Variants in TRIM17 observed in about 807,000 individuals in gnomAD.
TRIM17 encodes tripartite motif containing 17.
In TRIM17, 27 loss-of-function variants were observed where a neutral mutation model predicts 35.8. The observed-to-expected ratio is 0.75, with a 90% CI of 0.56 to 1.04. The LOEUF (loss-of-function observed/expected upper bound fraction) is 1.04, where lower values mean the gene tolerates loss of function less well. Ranked by LOEUF, TRIM17 falls within the 50% of genes least tolerant of loss-of-function variation. The probability of loss-of-function intolerance (pLI) is 0.00; values close to 1 mark genes in which losing one functional copy is unlikely to be tolerated. For synonymous variants in TRIM17, 246 were observed against 252.6 expected, an observed-to-expected ratio of 0.97 and a Z score of 0.25; for missense variants, 582 against 612.8, an observed-to-expected ratio of 0.95 and a Z score of 0.53.
Position 228,410,173 on chromosome 1 carries a change from A to G in TRIM17, c.757-762T>C, listed in dbSNP as rs571955040. 2.0e-5 allele frequency among the ~76,000 whole-genome samples: 3 copies of G among 150,610 alleles called. No individual in the cohort carries two copies. In the East Asian group the frequency reaches 5.9e-4, roughly 30 times the overall value. On this transcript the variant is annotated intron_variant, in intron 4 of 6. Transcript: ENST00000366698. This position sits in a 1 kb window ranked among gnomAD's most constrained non-coding sequence, Gnocchi z 4.6. ...GAGTGCAGTGGCGCAATAGCTCACT[A>G]CAGCCTTGAACTCACGGGCTCAAGC...
rs373119420 is a variant in TRIM17, at chr1:228,409,210, C to G, written c.845G>C (p.Arg282Thr). Residue 282 changes from arginine to threonine, a missense_variant, in exon 6 of 7, where the codon AGA becomes ACA. Coordinates refer to ENST00000366698, the MANE Select transcript of TRIM17 (RefSeq NM_016102.4). ...APPTRPRTVC[R>T]VPGQIEVLRG... Reference sequence around the variant, plus strand: ...TAGCACTTCAATCTGTCCGGGAACTCTGCACACAGTCCTGGGTCTGGTTGG... The same window carrying G: ...TAGCACTTCAATCTGTCCGGGAACTGTGCACACAGTCCTGGGTCTGGTTGG... 198 of 1,613,968 alleles carry G rather than the reference C, an allele frequency of 1.2e-4. 1 individual carries two copies. The highest frequency in any genetic ancestry group is 1.6e-4 in the Non-Finnish European group (193 of 1,180,002).
chr1:228,409,322 A>T (rs1328275447), intron 5 of TRIM17, 47 bp from the exon 6 acceptor site: 1 of 1,609,304 alleles, frequency 6.2e-7, no homozygotes, highest in East Asian at 2.2e-5. Context: ...CCCTGGCCCG[A>T]CAGTCTTATT....
Position 228,408,738 on chromosome 1 carries a change from A to G in TRIM17, c.897T>C (p.Pro299=), listed in dbSNP as rs1420272237. ...GGTAGGGGTACGCGGAGGTGGCATC[A>G]GGCACCACATCCTCTGTAGATGGGC... ...VLRGFLEDVV[P]DATSAYPYLL... is the part of the protein sequence containing the mutation. The change falls in exon 7 of 7, where the codon CCT becomes CCC. Residue 299 remains proline, a synonymous_variant. Transcript: ENST00000366698. The surrounding 1 kb of genome is among the most constrained non-coding windows in gnomAD (Gnocchi z 6.3). 5 of 1,601,094 alleles carry G rather than the reference A, an allele frequency of 3.1e-6. No homozygotes were observed. Among genetic ancestry groups the G allele is most frequent in the Non-Finnish European group, 4.2e-6 (5 of 1,179,666 alleles).
intron 4 of TRIM17, chr1:228,409,642 G>C: frequency 2.1e-6 from 1 of 477,100 alleles, no homozygotes; most frequent in East Asian, 3.3e-5. Context: ...TCAGCCCACG[G>C]CCACACGCCT....
Position 228,408,810 on chromosome 1 carries a change from G to A in TRIM17, c.884-59C>T. On this transcript the variant is annotated intron_variant, in intron 6 of 6. Coordinates refer to ENST00000366698, the MANE Select transcript of TRIM17 (RefSeq NM_016102.4). This position sits in a 1 kb window ranked among gnomAD's most constrained non-coding sequence, Gnocchi z 6.3. ...GAGGTGTGGGGCATTCAGGGTCAAA[G>A]GTGGGAGTCCCCGGGCCCTAGTGGT... 2 of 1,557,528 alleles carry A rather than the reference G, an allele frequency of 1.3e-6. No individual in the cohort carries two copies. Among genetic ancestry groups the A allele is most frequent in the East Asian group, 2.3e-5 (1 of 44,404 alleles).
intron 2 of TRIM17, 72 bp downstream of exon 2, chr1:228,414,572 A>C: frequency 7.4e-7 from 1 of 1,356,252 alleles, no homozygotes; most frequent in Non-Finnish European, 1.0e-6. Context: ...TCCCTCCCCC[A>C]TGATCTGGGT....
In TRIM17 at chr1:228,414,553, G is replaced by A; in HGVS notation, c.429+91C>T. ...CCTGACTCGGGCCACTTTGTCCCTG[G>A]ACACCTCCTCCCTCCCCCATGATCT... On this transcript the variant is annotated intron_variant, in intron 2 of 6. Transcript: ENST00000366698. 1.6e-5 allele frequency: 19 copies of A among 1,186,080 alleles called. 1 individual carries two copies. The South Asian group carries it at 2.5e-4, about 16-fold the overall frequency. 73.5% of individuals were successfully genotyped at this position (1,186,080 alleles called of 1,614,324 possible).
In TRIM17 at chr1:228,411,869, G is replaced by A. The variant is rs114059704; in HGVS notation, c.526-693C>T. ...GCTGGGGTTCAGTGGCATGATCATG[G>A]TTCACTGCTGTCTCAGACTCCTGGG... On this transcript the variant is annotated intron_variant, in intron 3 of 6. Coordinates refer to ENST00000366698, the MANE Select transcript of TRIM17 (RefSeq NM_016102.4). This position sits in a 1 kb window ranked among gnomAD's most constrained non-coding sequence, Gnocchi z 4.2. Among the ~76,000 whole-genome samples the A allele has an allele frequency of 0.02, 2,998 of 152,190 alleles. 39 individuals are homozygous for A. The highest frequency in any genetic ancestry group is 0.044 in the Middle Eastern group (13 of 294).
Position 228,410,825 on chromosome 1 carries a change from A to C in TRIM17, c.756+121T>G. The C allele has an allele frequency of 1.4e-6, 1 of 712,706 alleles. No homozygotes were observed. 44.1% of individuals were successfully genotyped at this position (712,706 alleles called of 1,614,324 possible). On this transcript the variant is annotated intron_variant, in intron 4 of 6. Transcript: ENST00000366698. The surrounding 1 kb of genome is among the most constrained non-coding windows in gnomAD (Gnocchi z 4.6). ...TGGCCTCAGCCACCCAGCCTCCAGG[A>C]CTAGCAGACTGGGAGCTAACAGCCC...
In TRIM17 at chr1:228,410,244, G is replaced by A. The variant is rs187507475; in HGVS notation, c.756+702C>T. Among the ~76,000 whole-genome samples the A allele has an allele frequency of 7.8e-4, 119 of 151,986 alleles. 1 individual carries two copies. In the East Asian group the frequency reaches 0.01, roughly 13 times the overall value. Reference sequence around the variant, plus strand: ...CTGAGTCCTGGGACCACAGGCGCACGCCACCATGCCCTGCTAATATTTTTA... The same window carrying A: ...CTGAGTCCTGGGACCACAGGCGCACACCACCATGCCCTGCTAATATTTTTA... On this transcript the variant is annotated intron_variant, in intron 4 of 6. Transcript: ENST00000366698. The surrounding 1 kb of genome is among the most constrained non-coding windows in gnomAD (Gnocchi z 4.6).
chr1:228,410,355 C>A lies in TRIM17; in HGVS notation c.756+591G>T, dbSNP rs896257368. On this transcript the variant is annotated intron_variant, in intron 4 of 6. Coordinates refer to ENST00000366698, the MANE Select transcript of TRIM17 (RefSeq NM_016102.4). This position sits in a 1 kb window ranked among gnomAD's most constrained non-coding sequence, Gnocchi z 4.6. ...ACACAGGCTGGTCCCGGCAGACAGG[C>A]TGGCTGCTTCACCTCCCCACTGCCG... is the stretch of plus-strand genomic sequence containing the variant. Among the ~76,000 whole-genome samples, 3 of 152,126 alleles carry A rather than the reference C, an allele frequency of 2.0e-5. No individual in the cohort carries two copies. Among genetic ancestry groups the A allele is most frequent in the African/African-American group, 7.2e-5 (3 of 41,426 alleles).
chr1:228,410,023 AGC>A lies in TRIM17; in HGVS notation c.757-614_757-613del. 6.6e-6 allele frequency among the ~76,000 whole-genome samples: 1 copy of A among 151,994 alleles called. No individual in the cohort carries two copies. The highest frequency in any genetic ancestry group is 2.1e-4 in the South Asian group (1 of 4,804). On this transcript the variant is annotated intron_variant, in intron 4 of 6. Transcript: ENST00000366698. This position sits in a 1 kb window ranked among gnomAD's most constrained non-coding sequence, Gnocchi z 4.6. ...CTGCTCATAGGAGCACCCTTCTACC[AGC>A]TGCAGGGGCTTTTCCCTCAGTTGGT... is the stretch of plus-strand genomic sequence containing the variant.
chr1:228,411,413 G>A lies in TRIM17; in HGVS notation c.526-237C>T, dbSNP rs1012426556. On this transcript the variant is annotated intron_variant, in intron 3 of 6. Transcript: ENST00000366698. The surrounding 1 kb of genome is among the most constrained non-coding windows in gnomAD (Gnocchi z 4.2). The stretch of plus-strand genomic sequence containing the variant: ...CCAAACACCCATGCACCCTTGCTCT[G>A]AGGAGGTTCAGAATGTCCACCCCCA... Among the ~76,000 whole-genome samples, 2 of 152,228 alleles carry A rather than the reference G, an allele frequency of 1.3e-5. No individual in the cohort carries two copies. Among genetic ancestry groups the A allele is most frequent in the African/African-American group, 4.8e-5 (2 of 41,468 alleles).
At position 228,415,089 on chromosome 1, in the gene TRIM17, G is replaced by A. The variant is rs1173635620; in HGVS notation, c.-17C>T. On this transcript the variant is annotated 5_prime_UTR_variant, in exon 2 of 7. Coordinates refer to ENST00000366698, the MANE Select transcript of TRIM17 (RefSeq NM_016102.4). ...AGCCTCCATGGCTCCTGGGAGACAC[G>A]AGGCAGGTTCCCGCTTGAGGGACTC... 2 of 1,589,928 alleles carry A rather than the reference G, an allele frequency of 1.3e-6. No homozygotes were observed. The highest frequency in any genetic ancestry group is 1.7e-6 in the Non-Finnish European group (2 of 1,165,196).
At position 228,416,080 on chromosome 1, in the gene TRIM17, G is replaced by A. The variant is rs1308622600; in HGVS notation, c.-42+459C>T. The A allele has an allele frequency of 3.9e-5, 6 of 152,930 alleles. No individual in the cohort carries two copies. In the Admixed American group the frequency reaches 3.9e-4, roughly 10 times the overall value. 9.5% of individuals were successfully genotyped at this position (152,930 alleles called of 1,614,324 possible). A position where few individuals can be genotyped will look rare whatever the true frequency, so the allele number is the denominator to read the frequency against. ...TTGCTATGGGGACCGAGTTGCAGAA[G>A]GAGTTGAAAATCGCGTCTACACTGC... On this transcript the variant is annotated intron_variant, in intron 1 of 6. Coordinates refer to ENST00000366698, the MANE Select transcript of TRIM17 (RefSeq NM_016102.4).
intron 2 of TRIM17, 70 bp downstream of exon 2, chr1:228,414,574 G>T: frequency 7.2e-7 from 1 of 1,380,120 alleles, no homozygotes; most frequent in Non-Finnish European, 1.0e-6. Context: ...CCTCCCCCAT[G>T]ATCTGGGTCA....
At chr1:228,412,094 G>A (rs1014333098) in intron 3 of TRIM17, among the ~76,000 whole-genome samples, 4 of 152,034 alleles carry the variant, frequency 2.6e-5, no homozygotes, top group Non-Finnish European at 5.9e-5. Context: ...GAATGCTGAC[G>A]CCCACCCTTC....
chr1:228,408,580 T>C lies in TRIM17; in HGVS notation c.1055A>G (p.Tyr352Cys), dbSNP rs1228620564. 1 of 1,613,878 alleles carries C rather than the reference T, an allele frequency of 6.2e-7. No individual in the cohort carries two copies. Among genetic ancestry groups the C allele is most frequent in the African/African-American group, 1.3e-5 (1 of 74,902 alleles). ...GQTAFSSGRH[Y>C]WEVGMNITGD... ...GGTGATGTTCATGCCCACCTCCCAG[T>C]AGTGCCTCCCAGAGGAGAAGGCCGT... Residue 352 changes from tyrosine (Y) to cysteine (C), a missense_variant, in exon 7 of 7, where the codon TAC becomes TGC. Physicochemically the swap from Tyr to Cys is radical, Grantham distance 194. Coordinates refer to ENST00000366698, the MANE Select transcript of TRIM17 (RefSeq NM_016102.4). The surrounding 1 kb of genome is among the most constrained non-coding windows in gnomAD (Gnocchi z 6.3).
rs774950224 is a variant in TRIM17 at position 228,414,674 on chromosome 1, C to A, written c.399G>T (p.Leu133=). 6 of 1,611,580 alleles carry A rather than the reference C, an allele frequency of 3.7e-6. No homozygotes were observed. The East Asian group carries it at 1.1e-4, about 30-fold the overall frequency. Residue 133 remains leucine (L), a synonymous_variant, in exon 2 of 7, where the codon CTG becomes CTT. Coordinates refer to ENST00000366698, the MANE Select transcript of TRIM17 (RefSeq NM_016102.4). ...ESREHRLHRV[L]PAEEAVQGYK... is the part of the protein sequence containing the mutation. ...ACCCCTGCACTGCCTCCTCGGCGGG[C>A]AGCACCCTGTGCAGCCGGTGCTCCC...
Sources: allele counts gnomAD v4.1 joint callset (sites outside exome capture counted in the v4.1 genomes callset), GRCh38; gene constraint gnomAD v4.1.1; non-coding constraint Gnocchi (gnomAD v3.1); transcripts MANE v1.5; gene names NCBI Gene and HGNC (gene_info 2026-07-23, HGNC 2026-07-21).